TNR: variants seen among roughly 807,000 people sequenced by gnomAD.
TNR encodes the protein tenascin R.
In TNR, 45 loss-of-function variants were observed where a neutral mutation model predicts 150.4. The observed-to-expected ratio is 0.30, with a 90% confidence interval of 0.24 to 0.38. The LOEUF (loss-of-function observed/expected upper bound fraction) is 0.38. TNR is among the 10% of genes least tolerant of loss of function. The probability of loss-of-function intolerance (pLI) is 1.00; values close to 1 mark genes in which losing one functional copy is unlikely to be tolerated. For synonymous variants in TNR, 687 were observed against 678.4 expected (o/e 1.01, Z -0.20); for missense variants, 1,544 against 1,759.1 (o/e 0.88, Z 2.19).
At chr1:175,343,447 G>A (rs1055370784) in intron 18 of TNR, among the ~76,000 whole-genome samples, 5 of 152,254 alleles carry the variant, frequency 3.3e-5, no homozygotes, top group African/African-American at 1.2e-4. Context: ...TTGAGACCAG[G>A]GTCTGGGATC....
intron 1 of TNR, among the ~76,000 whole-genome samples, chr1:175,607,758 G>A (rs1663459780): frequency 6.6e-6 from 1 of 152,206 alleles, no homozygotes; most frequent in African/African-American, 2.4e-5. Context: ...ACCTAGCTCT[G>A]TCCCTTCTCT....
At chr1:175,705,036 C>T (rs12138899) in intron 1 of TNR, among the ~76,000 whole-genome samples, 1 of 152,128 alleles carries the variant, frequency 6.6e-6, no homozygotes, top group African/African-American at 2.4e-5. Flanking sequence ...TCCAGAGTCT[C>T]CTTCAGCTGG....
Position 175,393,902 on chromosome 1 carries a change from C to T in TNR, c.1241-7G>A. On this transcript the variant is annotated splice_region_variant and splice_polypyrimidine_tract_variant and intron_variant, in intron 5 of 22. Coordinates refer to ENST00000367674, the MANE Select transcript of TNR (RefSeq NM_003285.3). The stretch of plus-strand genomic sequence containing the variant: ...CCTTGAGGAGTGGAGAGATCTGGAA[C>T]ACAGCAATGTAGGTGACAATGTCAT... 1 of 1,602,696 alleles carries T rather than the reference C, an allele frequency of 6.2e-7. No individual in the cohort carries two copies. The highest frequency in any genetic ancestry group is 8.5e-7 in the Non-Finnish European group (1 of 1,169,596).
intron 18 of TNR, among the ~76,000 whole-genome samples, chr1:175,353,732 CTAAG>C (rs1196683820): frequency 1.3e-5 from 2 of 152,144 alleles, no homozygotes; most frequent in Non-Finnish European, 2.9e-5. Flanking sequence ...GCTGCTTTTA[CTAAG>C]TGAGTCTCTG....
chr1:175,583,390 C>G (rs1662440204), intron 1 of TNR, among the ~76,000 whole-genome samples: 1 of 152,206 alleles, frequency 6.6e-6, no homozygotes, highest in African/African-American at 2.4e-5. Flanking sequence ...AGGACAATGA[C>G]AAGCATCCTG....
intron 1 of TNR, among the ~76,000 whole-genome samples, chr1:175,546,729 T>G (rs1660703668): frequency 6.6e-6 from 1 of 152,152 alleles, no homozygotes. Flanking sequence ...CAGAGGATGC[T>G]CTGAACTGGA....
intron 2 of TNR, among the ~76,000 whole-genome samples, chr1:175,414,051 T>C (rs1221723316): frequency 6.6e-6 from 1 of 152,106 alleles, no homozygotes; most frequent in Non-Finnish European, 1.5e-5. Flanking sequence ...GAAGGTCACT[T>C]GAGGCTGCAG....
intron 2 of TNR, among the ~76,000 whole-genome samples, chr1:175,475,491 A>G (rs1657508651): frequency 6.6e-6 from 1 of 152,168 alleles, no homozygotes; most frequent in African/African-American, 2.4e-5. Flanking sequence ...CTGATCTTTT[A>G]TATACTCCTC....
intron 7 of TNR, among the ~76,000 whole-genome samples, chr1:175,388,366 A>C (rs555854436): frequency 6.6e-6 from 1 of 152,262 alleles, no homozygotes; most frequent in Admixed American, 6.5e-5. Flanking sequence ...GAACATATTA[A>C]AATGTGATTA....
intron 1 of TNR, among the ~76,000 whole-genome samples, chr1:175,706,452 A>G (rs1666844049): frequency 6.6e-6 from 1 of 152,156 alleles, no homozygotes; most frequent in South Asian, 2.1e-4. Flanking sequence ...GGAAAAGATG[A>G]CAGGAAGGCA....
rs145719539 is a variant in TNR, at chr1:175,632,119, T to A, written c.-164-103750A>T. Among the ~76,000 whole-genome samples, 15 of 152,346 alleles carry A rather than the reference T, an allele frequency of 9.8e-5. No homozygotes were observed. The East Asian group carries it at 2.9e-3, about 29-fold the overall frequency. ...TCTCAGCCTGGGCCTTCAGGGCCCA[T>A]GTCACCCAAGCCCTTGCAGAGGGGC... On this transcript the variant is annotated intron_variant, in intron 1 of 22. Coordinates refer to ENST00000367674, the MANE Select transcript of TNR (RefSeq NM_003285.3).
intron 2 of TNR, among the ~76,000 whole-genome samples, chr1:175,416,292 G>A (rs1053447953): frequency 2.0e-5 from 3 of 152,136 alleles, no homozygotes; most frequent in African/African-American, 4.8e-5. Context: ...AAGACACACA[G>A]TAAGTTAGAG....
chr1:175,475,187 T>C (rs1657492865), intron 2 of TNR, among the ~76,000 whole-genome samples: 1 of 152,208 alleles, frequency 6.6e-6, no homozygotes, highest in African/African-American at 2.4e-5. Flanking sequence ...ACTGCTTCCC[T>C]GTGGGTTCTC....
At chr1:175,560,275 C>T (rs1267370896) in intron 1 of TNR, among the ~76,000 whole-genome samples, 2 of 152,218 alleles carry the variant, frequency 1.3e-5, no homozygotes, top group African/African-American at 2.4e-5. Flanking sequence ...CATCCATGAA[C>T]TCAATAATCA....
intron 2 of TNR, among the ~76,000 whole-genome samples, chr1:175,470,491 A>C (rs1050888567): frequency 2.0e-5 from 3 of 151,928 alleles, no homozygotes; most frequent in African/African-American, 7.3e-5. Context: ...TGTTATTTTA[A>C]ATTTTTAATT....
At chr1:175,557,408 A>G (rs6676780) in intron 1 of TNR, among the ~76,000 whole-genome samples, 73,346 of 152,080 alleles carry the variant, frequency 0.48, 18,074 homozygotes, top group East Asian at 0.67. Flanking sequence ...ATGGCTATTC[A>G]GTTTCAAAGA....
In TNR at chr1:175,708,871, T is replaced by G. The variant is rs571259778; in HGVS notation, c.-165+34355A>C. ...TCAAGTTACTTACAGCTAATCAATC[T>G]GTGATATCGTCAAGCACTATGAGCC... On this transcript the variant is annotated intron_variant, in intron 1 of 22. Coordinates refer to ENST00000367674, the MANE Select transcript of TNR (RefSeq NM_003285.3). Among the ~76,000 whole-genome samples the G allele has an allele frequency of 3.3e-4, 51 of 152,266 alleles. No homozygotes were observed. In the South Asian group the frequency reaches 7.1e-3, roughly 21 times the overall value.
intron 6 of TNR, 61 bp downstream of exon 6, chr1:175,393,719 C>T (rs1653287494): frequency 7.2e-7 from 1 of 1,396,646 alleles, no homozygotes. Flanking sequence ...CCCCTGATTC[C>T]AAGCTAAAGG....
At position 175,724,140 on chromosome 1, in the gene TNR, GT is replaced by G. The variant is rs541418721; in HGVS notation, c.-165+19085del. Among the ~76,000 whole-genome samples, 443 of 152,198 alleles carry G rather than the reference GT, an allele frequency of 2.9e-3. 1 individual carries two copies. Among genetic ancestry groups the G allele is most frequent in the African/African-American group, 0.01 (426 of 41,512 alleles). On this transcript the variant is annotated intron_variant, in intron 1 of 22. Transcript: ENST00000367674. ...AGGGTTTGCGATCAGGATTGTATTA[GT>G]TTCTTCTCACATTACTATAAAGAAA...
Sources: gnomAD v4.1 joint callset for allele counts (sites outside exome capture counted in the v4.1 genomes callset) on GRCh38, gnomAD v4.1.1 for gene constraint, MANE v1.5 for transcripts, NCBI Gene and HGNC (gene_info 2026-07-23, HGNC 2026-07-21) for gene names.